The following TUBGCP4 variants were observed in gnomAD, a reference collection of about 807,000 sequenced individuals.
TUBGCP4 encodes the protein tubulin gamma complex component 4.
TUBGCP4 carries 54 observed loss-of-function variants against 91.6 expected under a neutral mutation model. The observed-to-expected ratio is 0.59, with a 90% CI of 0.47 to 0.74. TUBGCP4 has a LOEUF of 0.74. Ranked by LOEUF, TUBGCP4 falls within the 30% of genes least tolerant of loss-of-function variation. TUBGCP4 has a pLI of 0.00. For missense variants in TUBGCP4, 593 were observed against 800.9 expected, an observed-to-expected ratio of 0.74 and a Z score of 3.13; for synonymous variants, 297 against 302.8, an observed-to-expected ratio of 0.98 and a Z score of 0.20.
Position 43,409,605 on chromosome 15 carries a change from TATC to T in TUBGCP4, c.*4394_*4396del, listed in dbSNP as rs781147954. 2 of 1,135,666 alleles carry T rather than the reference TATC, an allele frequency of 1.8e-6. No homozygotes were observed. Among genetic ancestry groups the T allele is most frequent in the South Asian group, 1.7e-5 (1 of 60,426 alleles). The allele number at this position is 1,135,666 out of a possible 1,614,324, so 70.3% of individuals were successfully genotyped here. On this transcript the variant is annotated 3_prime_UTR_variant, in exon 18 of 18. Transcript: ENST00000564079. The stretch of plus-strand genomic sequence containing the variant: ...CTTCTCAACACAGCAAGTTGGCTCT[TATC>T]ATTGCCACTATATTAGGTTACACAA...
chr15:43,409,236 G>C lies in TUBGCP4; in HGVS notation c.*4022G>C, dbSNP rs1182793075. The stretch of plus-strand genomic sequence containing the variant: ...ATGTGATTTAGTCTATCCTGCCCAA[G>C]GCCACTCTTCTCACTGGAAGGCCCA... On this transcript the variant is annotated 3_prime_UTR_variant, in exon 18 of 18. Transcript: ENST00000564079. 1.4e-6 allele frequency: 1 copy of C among 730,684 alleles called. No homozygotes were observed. The highest frequency in any genetic ancestry group is 2.7e-5 in the East Asian group (1 of 37,048). The allele number at this position is 730,684 out of a possible 1,614,324, so 45.3% of individuals were successfully genotyped here. A position where few individuals can be genotyped will look rare whatever the true frequency, so the allele number is the denominator to read the frequency against.
intron 17 of TUBGCP4, chr15:43,404,769 A>AT: frequency 1.7e-6 from 1 of 577,496 alleles, no homozygotes; most frequent in Non-Finnish European, 3.0e-6. Context: ...TGACAGTGAG[A>AT]TAGGTGTTAA....
chr15:43,395,085 GTT>G lies in TUBGCP4; in HGVS notation c.1015-19_1015-18del. 1 of 1,613,984 alleles carries G rather than the reference GTT, an allele frequency of 6.2e-7. No homozygotes were observed. Among genetic ancestry groups the G allele is most frequent in the Non-Finnish European group, 8.5e-7 (1 of 1,179,882 alleles). ...TCTCACTGTAATGAAATTTGTCCCT[GTT>G]TTGTTGGTTGTTTTCATAGCATCTC... On this transcript the variant is annotated intron_variant, in intron 9 of 17. Coordinates refer to ENST00000564079, the MANE Select transcript of TUBGCP4 (RefSeq NM_014444.5).
intron 7 of TUBGCP4, among the ~76,000 whole-genome samples, chr15:43,384,271 T>C (rs891994600): frequency 3.9e-5 from 6 of 152,216 alleles, no homozygotes; most frequent in African/African-American, 1.4e-4. Flanking sequence ...AGTAGTAGTG[T>C]CTGTCCCTAA....
intron 9 of TUBGCP4, among the ~76,000 whole-genome samples, chr15:43,393,006 A>C (rs1262792937): frequency 6.6e-6 from 1 of 152,174 alleles, no homozygotes; most frequent in African/African-American, 2.4e-5. Flanking sequence ...TGCACTTTCT[A>C]GAGTTGATAA....
At position 43,395,157 on chromosome 15, in the gene TUBGCP4, GGTAATGGCTTAGCTGTT is replaced by G. The variant is rs1234029140; in HGVS notation, c.1065+6_1065+22del. The G allele has an allele frequency of 3.8e-5, 62 of 1,614,010 alleles. No homozygotes were observed. Among genetic ancestry groups the G allele is most frequent in the Middle Eastern group, 1.6e-4 (1 of 6,084 alleles). The stretch of plus-strand genomic sequence containing the variant: ...AATCCGATTTACTGGGTCAGCTGAA[GGTAATGGCTTAGCTGTT>G]GTAATTCTTACGGTGATGCTGGTAG... On this transcript the variant is annotated splice_donor_variant and splice_donor_5th_base_variant and intron_variant, in intron 10 of 17. Coordinates refer to ENST00000564079, the MANE Select transcript of TUBGCP4 (RefSeq NM_014444.5). LOFTEE classifies it high-confidence loss of function.
In TUBGCP4 at chr15:43,401,817, T is replaced by C. The variant is rs376420902; in HGVS notation, c.1698T>C (p.Asn566=). The change falls in exon 15 of 18, where the codon AAT becomes AAC. Residue 566 remains asparagine (N), a synonymous_variant. Transcript: ENST00000564079. Reference sequence around the variant, plus strand: ...TGGCTCATGACCACTTCCTGAGCAATTTGCTGGCTCAATCCTTTATCCTAT... The same window carrying C: ...TGGCTCATGACCACTTCCTGAGCAACTTGCTGGCTCAATCCTTTATCCTAT... ...IRLAHDHFLS[N]LLAQSFILLK... The C allele has an allele frequency of 2.4e-5, 39 of 1,614,054 alleles. No individual in the cohort carries two copies. The African/African-American group carries it at 5.1e-4, about 21-fold the overall frequency.
chr15:43,404,643 C>A, intron 17 of TUBGCP4, 91 bp downstream of exon 17: 4 of 1,340,508 alleles, frequency 3.0e-6, no homozygotes, highest in Non-Finnish European at 3.1e-6. Flanking sequence ...GACTTTAGTC[C>A]AAATACCCTC....
At chr15:43,400,742 A>C (rs916288526) in intron 14 of TUBGCP4, among the ~76,000 whole-genome samples, 7 of 151,740 alleles carry the variant, frequency 4.6e-5, no homozygotes. Flanking sequence ...ATGGTGAAAC[A>C]CCATCTCTAC....
chr15:43,404,566 T>C lies in TUBGCP4; in HGVS notation c.1988+14T>C, dbSNP rs2044792670. The stretch of plus-strand genomic sequence containing the variant: ...AACTCTGGGCAGGTAGGAGCAACCC[T>C]TGGGTAACTCAGTAGACTTTTTAAG... On this transcript the variant is annotated intron_variant, in intron 17 of 17. Coordinates refer to ENST00000564079, the MANE Select transcript of TUBGCP4 (RefSeq NM_014444.5). 5.6e-6 allele frequency: 9 copies of C among 1,613,238 alleles called. No homozygotes were observed. Among genetic ancestry groups the C allele is most frequent in the African/African-American group, 2.7e-5 (2 of 74,904 alleles).
At chr15:43,399,080 G>T in intron 13 of TUBGCP4, 1 of 1,204,838 alleles carries the variant, frequency 8.3e-7, no homozygotes, top group South Asian at 1.3e-5. Flanking sequence ...TTCCAAACAA[G>T]GTCTATCATT....
In TUBGCP4 at chr15:43,408,816, ACT is replaced by A; in HGVS notation, c.*3608_*3609del. 2.2e-6 allele frequency: 3 copies of A among 1,393,028 alleles called. No individual in the cohort carries two copies. Among genetic ancestry groups the A allele is most frequent in the Admixed American group, 1.8e-5 (1 of 56,418 alleles). 86.3% of individuals were successfully genotyped at this position (1,393,028 alleles called of 1,614,324 possible). A position where few individuals can be genotyped will look rare whatever the true frequency, so the allele number is the denominator to read the frequency against. ...GACATTCCAATTTCTAGAAAGCTTT[ACT>A]CTCTCACCTAGATTCTCTTCCCTCC... On this transcript the variant is annotated 3_prime_UTR_variant, in exon 18 of 18. Coordinates refer to ENST00000564079, the MANE Select transcript of TUBGCP4 (RefSeq NM_014444.5).
intron 9 of TUBGCP4, among the ~76,000 whole-genome samples, chr15:43,389,091 T>G (rs1285050013): frequency 6.6e-6 from 1 of 152,214 alleles, no homozygotes; most frequent in Non-Finnish European, 1.5e-5. Flanking sequence ...ATCTGGGTGC[T>G]GGTAATACAG....
rs1020664897 is a variant in TUBGCP4, at chr15:43,407,581, C to G, written c.*2367C>G. 6.2e-7 allele frequency: 1 copy of G among 1,602,196 alleles called. No homozygotes were observed. Among genetic ancestry groups the G allele is most frequent in the Non-Finnish European group, 8.5e-7 (1 of 1,172,656 alleles). ...CCCCTAAAGCAATATCTGCAAGGAG[C>G]AAGGGAAAGTGAAGAAGGAAAGGAC... is the stretch of plus-strand genomic sequence containing the variant. On this transcript the variant is annotated 3_prime_UTR_variant, in exon 18 of 18. Coordinates refer to ENST00000564079, the MANE Select transcript of TUBGCP4 (RefSeq NM_014444.5).
At position 43,405,991 on chromosome 15, in the gene TUBGCP4, G is replaced by A. The variant is rs2044856248; in HGVS notation, c.*777G>A. On this transcript the variant is annotated 3_prime_UTR_variant, in exon 18 of 18. Coordinates refer to ENST00000564079, the MANE Select transcript of TUBGCP4 (RefSeq NM_014444.5). The stretch of plus-strand genomic sequence containing the variant: ...GGAAGCAGACGCTGCAGTGAGCTGA[G>A]ATTGTGCCATTGCATTCCAGCCCGG... The A allele has an allele frequency of 7.4e-6, 1 of 134,950 alleles. No homozygotes were observed. The highest frequency in any genetic ancestry group is 2.7e-5 in the African/African-American group (1 of 36,968). 8.4% of individuals were successfully genotyped at this position (134,950 alleles called of 1,614,324 possible).
At chr15:43,379,176 G>C (rs2044251285) in intron 5 of TUBGCP4, among the ~76,000 whole-genome samples, 1 of 152,224 alleles carries the variant, frequency 6.6e-6, no homozygotes, top group African/African-American at 2.4e-5. Context: ...TTTGGGTTGA[G>C]AATGGAGATT....
chr15:43,401,547 TC>T (rs1376364813), intron 14 of TUBGCP4, among the ~76,000 whole-genome samples, 168 bp from the exon 15 acceptor site: 1 of 152,046 alleles, frequency 6.6e-6, no homozygotes, highest in Non-Finnish European at 1.5e-5. Flanking sequence ...GCAAATAACT[TC>T]CTACAAGGCT....
Position 43,408,100 on chromosome 15 carries a change from A to G in TUBGCP4, c.*2886A>G. On this transcript the variant is annotated 3_prime_UTR_variant, in exon 18 of 18. Coordinates refer to ENST00000564079, the MANE Select transcript of TUBGCP4 (RefSeq NM_014444.5). ...TTTCACGGGGTTGCCTATGAAGGAG[A>G]CAGGAAAGGACCTTAGCATGACAAG... is the stretch of plus-strand genomic sequence containing the variant. The G allele has an allele frequency of 1.9e-6, 3 of 1,612,912 alleles. No homozygotes were observed. Among genetic ancestry groups the G allele is most frequent in the Non-Finnish European group, 2.5e-6 (3 of 1,179,460 alleles).
chr15:43,386,005 C>G, intron 8 of TUBGCP4, 49 bp downstream of exon 8: 2 of 1,601,578 alleles, frequency 1.2e-6, no homozygotes, highest in Non-Finnish European at 1.7e-6. Flanking sequence ...TCTCTTCTTC[C>G]TTAATACTAT....
Sources: allele counts gnomAD v4.1 joint callset (sites outside exome capture counted in the v4.1 genomes callset), GRCh38; gene constraint gnomAD v4.1.1; transcripts MANE v1.5; gene names NCBI Gene and HGNC (gene_info 2026-07-23, HGNC 2026-07-21).